ERC1: variants seen among roughly 807,000 people sequenced by gnomAD.
ERC1 encodes RAB6 interacting protein 2.
Under a neutral mutation model 132.0 loss-of-function variants are expected in ERC1, and 56 were observed. That is an observed-to-expected ratio of 0.42 (90% CI 0.34 to 0.53). The LOEUF (loss-of-function observed/expected upper bound fraction) is 0.53, where lower values mean the gene tolerates loss of function less well. ERC1 is among the 20% of genes least tolerant of loss of function. The pLI is 0.03. For synonymous variants in ERC1, 478 were observed against 476.1 expected, an observed-to-expected ratio of 1.00 and a Z score of -0.05; for missense variants, 1,202 against 1,349.9, an observed-to-expected ratio of 0.89 and a Z score of 1.72.
chr12:1,336,964 TTTG>T lies in ERC1; in HGVS notation c.2781-34866_2781-34864del, dbSNP rs1339084172. 2.6e-5 allele frequency among the ~76,000 whole-genome samples: 4 copies of T among 152,192 alleles called. No homozygotes were observed. In the East Asian group the frequency reaches 7.7e-4, roughly 29 times the overall value. On this transcript the variant is annotated intron_variant, in intron 15 of 18. Coordinates refer to ENST00000360905, the MANE Select transcript of ERC1 (RefSeq NM_178040.4). ...AGGCATGCACGAGCATGCTGGCTAT[TTTG>T]TTCTGTTTTGTTTTGTTTTTGTATT...
intron 2 of ERC1, among the ~76,000 whole-genome samples, chr12:1,071,320 A>G (rs1184368270): frequency 6.6e-6 from 1 of 152,156 alleles, no homozygotes; most frequent in Non-Finnish European, 1.5e-5. Context: ...CCTTGCCAGC[A>G]TTTGGTATTG....
chr12:1,225,206 C>T (rs1048414846), intron 12 of ERC1, among the ~76,000 whole-genome samples: 2 of 151,940 alleles, frequency 1.3e-5, no homozygotes, highest in African/African-American at 4.8e-5. Flanking sequence ...CACCTGTAAT[C>T]TCAGCAACTC....
chr12:1,440,322 A>C (rs555381290), intron 17 of ERC1, among the ~76,000 whole-genome samples: 19 of 142,772 alleles, frequency 1.3e-4, no homozygotes, highest in African/African-American at 4.8e-4. Flanking sequence ...CTCCTGCCTC[A>C]GCCTCCCGAG....
chr12:1,408,072 T>A (rs2091621407), intron 16 of ERC1, 77 bp from the exon 17 acceptor site: 2 of 966,714 alleles, frequency 2.1e-6, no homozygotes, highest in Non-Finnish European at 3.2e-6. Context: ...CTTATGGAAC[T>A]CTTAAAATAC....
At chr12:1,243,543 G>A (rs374417628) in intron 13 of ERC1, among the ~76,000 whole-genome samples, 25 of 152,204 alleles carry the variant, frequency 1.6e-4, no homozygotes, top group African/African-American at 5.5e-4. Flanking sequence ...GTAAAAGGAG[G>A]CACTCACTTC....
chr12:1,400,916 A>ATTATTATTATTATTATTTTTTTT (rs2090981093), intron 16 of ERC1, among the ~76,000 whole-genome samples: 1 of 15,040 alleles, frequency 6.6e-5, no homozygotes, highest in African/African-American at 3.1e-4. Flanking sequence ...CTATTTTTGT[A>ATTATTATTATTATTATTTTTTTT]TTTTTTTTTT....
At chr12:1,035,682 G>A (rs1968915774) in intron 2 of ERC1, among the ~76,000 whole-genome samples, 2 of 152,122 alleles carry the variant, frequency 1.3e-5, no homozygotes, top group South Asian at 4.1e-4. Context: ...CAGCACTTTG[G>A]GAGGCTGAGG....
At chr12:1,017,206 AG>A (rs1224416470) in intron 1 of ERC1, among the ~76,000 whole-genome samples, 1 of 152,088 alleles carries the variant, frequency 6.6e-6, no homozygotes, top group Non-Finnish European at 1.5e-5. Context: ...CATGCTGGTC[AG>A]GCTGATCTCA....
chr12:1,180,682 G>A lies in ERC1; in HGVS notation c.1875+5G>A. Reference sequence around the variant, plus strand: ...GAGGAGGCCCTTGCAGAGAAAGTGAGTGGCTGGCCCCAACTCTCCACACAC... The same window carrying A: ...GAGGAGGCCCTTGCAGAGAAAGTGAATGGCTGGCCCCAACTCTCCACACAC... On this transcript the variant is annotated splice_donor_5th_base_variant and intron_variant, in intron 9 of 18. Coordinates refer to ENST00000360905, the MANE Select transcript of ERC1 (RefSeq NM_178040.4). 6.2e-7 allele frequency: 1 copy of A among 1,613,958 alleles called. No individual in the cohort carries two copies. The highest frequency in any genetic ancestry group is 8.5e-7 in the Non-Finnish European group (1 of 1,180,008).
At chr12:1,395,407 G>GTT (rs57837323) in intron 16 of ERC1, among the ~76,000 whole-genome samples, 4,728 of 141,736 alleles carry the variant, frequency 0.033, 169 homozygotes, top group South Asian at 0.082. Context: ...AAATTTTGTA[G>GTT]TTTTTTTTTT....
intron 15 of ERC1, among the ~76,000 whole-genome samples, chr12:1,343,816 A>G (rs1015701707): frequency 6.6e-6 from 1 of 152,108 alleles, no homozygotes; most frequent in African/African-American, 2.4e-5. Context: ...TCTGAAGCTT[A>G]TCGTTTAAAT....
chr12:1,430,728 A>G (rs1443026292), intron 17 of ERC1: 2 of 152,292 alleles, frequency 1.3e-5, no homozygotes, highest in Non-Finnish European at 2.9e-5. Flanking sequence ...GGGAAAAACA[A>G]GCCATTAGGT....
chr12:1,377,610 A>G (rs1287525568), intron 16 of ERC1, among the ~76,000 whole-genome samples: 1 of 152,238 alleles, frequency 6.6e-6, no homozygotes, highest in Non-Finnish European at 1.5e-5. Flanking sequence ...TATATAGGTT[A>G]ATGCCTTTCT....
At chr12:1,340,260 G>T (rs1344656039) in intron 15 of ERC1, among the ~76,000 whole-genome samples, 7 of 152,060 alleles carry the variant, frequency 4.6e-5, no homozygotes, top group Admixed American at 1.3e-4. Flanking sequence ...CATCTGATGG[G>T]CAAGACCTCC....
intron 18 of ERC1, among the ~76,000 whole-genome samples, chr12:1,457,526 A>G (rs2057801): frequency 0.19 from 28,473 of 152,048 alleles, 6,005 homozygotes; most frequent in African/African-American, 0.52. Context: ...TTGCTACTCA[A>G]ATATCTAATA....
At chr12:1,198,400 A>G (rs1956544920) in intron 12 of ERC1, among the ~76,000 whole-genome samples, 1 of 152,230 alleles carries the variant, frequency 6.6e-6, no homozygotes. Context: ...ATACAGAGGG[A>G]AAACCAAAAT....
intron 13 of ERC1, among the ~76,000 whole-genome samples, chr12:1,242,681 T>A (rs1219154458): frequency 6.6e-6 from 1 of 152,114 alleles, no homozygotes; most frequent in Non-Finnish European, 1.5e-5. Context: ...TAAGAGCAAA[T>A]GTTAACAGGA....
intron 2 of ERC1, among the ~76,000 whole-genome samples, chr12:1,061,240 G>GTT (rs1279895678): frequency 6.6e-6 from 1 of 151,964 alleles, no homozygotes; most frequent in African/African-American, 2.4e-5. Context: ...TTCAGATTTT[G>GTT]TTTGAGTCTT....
intron 1 of ERC1, among the ~76,000 whole-genome samples, chr12:1,017,899 G>T (rs1299000221): frequency 6.6e-6 from 1 of 152,154 alleles, no homozygotes; most frequent in Non-Finnish European, 1.5e-5. Context: ...GAGTTTAATA[G>T]AGATTTTTTT....
Sources: allele counts gnomAD v4.1 joint callset (sites outside exome capture counted in the v4.1 genomes callset), GRCh38; gene constraint gnomAD v4.1.1; transcripts MANE v1.5; gene names NCBI Gene and HGNC (gene_info 2026-07-23, HGNC 2026-07-21).